Variants in CNGB3 observed in about 807,000 individuals in gnomAD.
CNGB3 encodes the protein cyclic nucleotide gated channel subunit beta 3.
A neutral mutation model predicts 92.8 loss-of-function variants in CNGB3; 86 were observed. The observed-to-expected ratio is 0.93, with a 90% CI of 0.78 to 1.11. The LOEUF (loss-of-function observed/expected upper bound fraction) is 1.11. Ranked by LOEUF, CNGB3 falls within the 50% of genes least tolerant of loss-of-function variation. The pLI, the probability that CNGB3 is intolerant of heterozygous loss-of-function variation, is 0.00. For missense variants in CNGB3, 1,026 were observed against 956.8 expected, an observed-to-expected ratio of 1.07 and a Z score of -0.95; for synonymous variants, 333 against 332.7, an observed-to-expected ratio of 1.00 and a Z score of -0.01.
chr8:86,743,076 A>C (rs1462111712), intron 1 of CNGB3, among the ~76,000 whole-genome samples: 2 of 152,134 alleles, frequency 1.3e-5, no homozygotes, highest in Non-Finnish European at 2.9e-5. Context: ...ATGTCCCTTG[A>C]GTGGTAAAAT....
intron 3 of CNGB3, among the ~76,000 whole-genome samples, chr8:86,679,010 C>A (rs923058892): frequency 1.3e-5 from 2 of 151,952 alleles, no homozygotes; most frequent in African/African-American, 4.8e-5. Context: ...AGTAGGGTGA[C>A]CCTGCTTTTA....
intron 15 of CNGB3, among the ~76,000 whole-genome samples, chr8:86,580,114 G>A (rs958273155): frequency 9.7e-5 from 14 of 145,066 alleles, no homozygotes; most frequent in African/African-American, 3.6e-4. Flanking sequence ...CAGCAGGAAA[G>A]ACAGAGAGCA....
chr8:86,643,262 G>T (rs1374120657), intron 10 of CNGB3, among the ~76,000 whole-genome samples: 1 of 151,380 alleles, frequency 6.6e-6, no homozygotes, highest in African/African-American at 2.4e-5. Context: ...ATGCAATTTT[G>T]TTACATGTAT....
At chr8:86,637,719 T>A (rs34861197) in intron 10 of CNGB3, among the ~76,000 whole-genome samples, 9,487 of 152,254 alleles carry the variant, frequency 0.062, 337 homozygotes, top group South Asian at 0.087. Context: ...ATGCTTAATT[T>A]CCTTTTCAGA....
At chr8:86,666,245 G>A (rs1470396034) in intron 6 of CNGB3, among the ~76,000 whole-genome samples, 1 of 152,120 alleles carries the variant, frequency 6.6e-6, no homozygotes, top group East Asian at 1.9e-4. Flanking sequence ...TATATTAAAT[G>A]GTTTCTTCTT....
At chr8:86,711,876 A>G (rs1319772636) in intron 3 of CNGB3, among the ~76,000 whole-genome samples, 3 of 150,336 alleles carry the variant, frequency 2.0e-5, no homozygotes, top group Admixed American at 6.7e-5. Flanking sequence ...TAGTATATAA[A>G]TATTATGTAT....
At chr8:86,663,070 A>G (rs1301588331) in intron 6 of CNGB3, among the ~76,000 whole-genome samples, 1 of 152,240 alleles carries the variant, frequency 6.6e-6, no homozygotes, top group Non-Finnish European at 1.5e-5. Context: ...GATATTTAAC[A>G]CAATTAAATA....
At chr8:86,592,038 C>T (rs1443268887) in intron 15 of CNGB3, among the ~76,000 whole-genome samples, 2 of 152,246 alleles carry the variant, frequency 1.3e-5, no homozygotes, top group African/African-American at 2.4e-5. Flanking sequence ...GATATAATCT[C>T]GTGGTGTGCT....
At chr8:86,647,961 T>C (rs1374669498) in intron 7 of CNGB3, 74 bp from the exon 8 acceptor site, 15 of 900,900 alleles carry the variant, frequency 1.7e-5, no homozygotes, top group Non-Finnish European at 1.5e-5. Flanking sequence ...TACGCTGATG[T>C]CTGTAAAAGT....
chr8:86,689,106 G>T (rs1228875299), intron 3 of CNGB3, among the ~76,000 whole-genome samples: 1 of 149,794 alleles, frequency 6.7e-6, no homozygotes, highest in Non-Finnish European at 1.5e-5. Context: ...GTTATTGATT[G>T]TCAGTTTTAT....
chr8:86,581,454 G>A (rs931104398), intron 15 of CNGB3, among the ~76,000 whole-genome samples: 9 of 152,024 alleles, frequency 5.9e-5, no homozygotes, highest in Admixed American at 1.3e-4. Flanking sequence ...ATCCCCTCTC[G>A]GCTCTGGCAG....
intron 6 of CNGB3, chr8:86,659,620 C>T (rs1015080104): frequency 9.1e-5 from 48 of 526,476 alleles, no homozygotes; most frequent in South Asian, 4.8e-4. Flanking sequence ...CTCCCACACG[C>T]GCCAGGAATA....
In CNGB3 at chr8:86,667,027, T is replaced by C; in HGVS notation, c.750A>G (p.Ile250Met). 2 of 1,613,998 alleles carry C rather than the reference T, an allele frequency of 1.2e-6. No homozygotes were observed. The highest frequency in any genetic ancestry group is 2.2e-5 in the South Asian group (2 of 91,076). The change falls in exon 6 of 18, where the codon ATA becomes ATG. Residue 250 changes from isoleucine (I) to methionine (M), a missense_variant. Ile to Met is a conservative substitution (Grantham distance 10). Coordinates refer to ENST00000320005, the MANE Select transcript of CNGB3 (RefSeq NM_019098.5). ...TGATGTCCGCAATAAGCCAGTAGTG[T>C]ATGTTGTCTGCGGTTTGATATGGGA... is the stretch of plus-strand genomic sequence containing the variant. ...LVFPYQTADN[I>M]HYWLIADIIC... is the part of the protein sequence containing the mutation.
At chr8:86,683,945 A>T (rs1318492562) in intron 3 of CNGB3, among the ~76,000 whole-genome samples, 1 of 152,204 alleles carries the variant, frequency 6.6e-6, no homozygotes, top group Admixed American at 6.5e-5. Context: ...TAAGTTGGAC[A>T]CTAAAAATAC....
chr8:86,599,626 C>T (rs913484395), intron 15 of CNGB3, among the ~76,000 whole-genome samples: 7 of 152,178 alleles, frequency 4.6e-5, no homozygotes, highest in East Asian at 1.9e-4. Flanking sequence ...ACCTTGGGGG[C>T]GGCTGTCTTT....
intron 11 of CNGB3, among the ~76,000 whole-genome samples, chr8:86,629,360 G>T (rs1822915039): frequency 6.6e-6 from 1 of 152,088 alleles, no homozygotes; most frequent in Non-Finnish European, 1.5e-5. Context: ...AAGACCTGTA[G>T]GACAAACCAA....
chr8:86,674,417 C>CATTTTATTTCATCTTCTTGTCTTT (rs1211840022), intron 3 of CNGB3, among the ~76,000 whole-genome samples: 2 of 152,158 alleles, frequency 1.3e-5, no homozygotes, highest in Non-Finnish European at 2.9e-5. Context: ...ATTATGATGT[C>CATTTTATTTCATCTTCTTGTCTTT]ATTTTATTTC....
chr8:86,588,967 C>G (rs1821960415), intron 15 of CNGB3, among the ~76,000 whole-genome samples: 1 of 152,092 alleles, frequency 6.6e-6, no homozygotes, highest in South Asian at 2.1e-4. Flanking sequence ...CCATCTGGTC[C>G]TGGACTCTTT....
chr8:86,639,285 AC>A (rs1372093404), intron 10 of CNGB3, among the ~76,000 whole-genome samples: 1 of 152,102 alleles, frequency 6.6e-6, no homozygotes, highest in Admixed American at 6.6e-5. Flanking sequence ...TACATTGGGA[AC>A]ATTTTTAAGT....
Sources: gnomAD v4.1 joint callset for allele counts (sites outside exome capture counted in the v4.1 genomes callset) on GRCh38, gnomAD v4.1.1 for gene constraint, MANE v1.5 for transcripts, NCBI Gene and HGNC (gene_info 2026-07-23, HGNC 2026-07-21) for gene names.